POU6F2: variants seen among roughly 807,000 people sequenced by gnomAD.
POU6F2 encodes POU domain, class 6, transcription factor 2.
A neutral mutation model predicts 71.3 loss-of-function variants in POU6F2; 31 were observed. The observed-to-expected ratio is 0.43, with a 90% CI of 0.33 to 0.59. POU6F2 has a LOEUF of 0.59. POU6F2 is among the 20% of genes least tolerant of loss of function. The pLI, the probability that POU6F2 is intolerant of heterozygous loss-of-function variation, is 0.04. For synonymous variants in POU6F2, 347 were observed against 355.7 expected (o/e 0.98, Z 0.27); for missense variants, 783 against 856.8 (o/e 0.91, Z 1.07).
chr7:39,090,776 A>G (rs540989832), intron 2 of POU6F2, among the ~76,000 whole-genome samples: 3 of 152,308 alleles, frequency 2.0e-5, no homozygotes, highest in South Asian at 4.2e-4. Context: ...TTAAAAGTGT[A>G]TTTTTTAAAT....
Position 39,070,744 on chromosome 7 carries a change from C to G in POU6F2, c.106-15116C>G, listed in dbSNP as rs144659210. 1.7e-3 allele frequency among the ~76,000 whole-genome samples: 255 copies of G among 152,280 alleles called. 2 individuals carry two copies. Among genetic ancestry groups the G allele is most frequent in the Non-Finnish European group, 3.0e-3 (206 of 68,022 alleles). On this transcript the variant is annotated intron_variant, in intron 1 of 9. Coordinates refer to ENST00000518318, the MANE Select transcript of POU6F2 (RefSeq NM_001370959.1). Reference sequence around the variant, plus strand: ...CCCTTCACTGTGAGACCTCTCTGATCGCCTTATGTAAGTTACATACCCACA... The same window carrying G: ...CCCTTCACTGTGAGACCTCTCTGATGGCCTTATGTAAGTTACATACCCACA...
chr7:39,301,748 T>A (rs1044891570), intron 4 of POU6F2, among the ~76,000 whole-genome samples: 1 of 152,184 alleles, frequency 6.6e-6, no homozygotes, highest in Non-Finnish European at 1.5e-5. Flanking sequence ...GAGAGAGCTA[T>A]CTGGGCTGAC....
chr7:39,225,619 A>G (rs989879873), intron 4 of POU6F2, among the ~76,000 whole-genome samples: 2 of 152,236 alleles, frequency 1.3e-5, no homozygotes, highest in African/African-American at 2.4e-5. Context: ...ATTTCAAAGC[A>G]TGTTCCCATG....
At chr7:39,045,373 C>T (rs1013413280) in intron 1 of POU6F2, among the ~76,000 whole-genome samples, 1 of 151,850 alleles carries the variant, frequency 6.6e-6, no homozygotes, top group South Asian at 2.1e-4. Context: ...GGAGGGGTTT[C>T]CAGCAAGTTA....
intron 4 of POU6F2, among the ~76,000 whole-genome samples, chr7:39,264,077 A>G (rs1474920797): frequency 6.6e-6 from 1 of 152,200 alleles, no homozygotes; most frequent in Admixed American, 6.5e-5. Flanking sequence ...AGACATCAAA[A>G]TGGAAGTCCA....
At position 39,022,702 on chromosome 7, in the gene POU6F2, T is replaced by A. The variant is rs546265991; in HGVS notation, c.105+44644T>A. On this transcript the variant is annotated intron_variant, in intron 1 of 9. Coordinates refer to ENST00000518318, the MANE Select transcript of POU6F2 (RefSeq NM_001370959.1). ...CACATGTATTGGGACTTTCCCCCGC[T>A]TTTTCCATCTTTTTTCTTTTTTGCT... Among the ~76,000 whole-genome samples, 27 of 152,198 alleles carry A rather than the reference T, an allele frequency of 1.8e-4. 1 individual carries two copies. The South Asian group carries it at 3.5e-3, about 20-fold the overall frequency.
chr7:39,275,405 T>C (rs1784417865), intron 4 of POU6F2, among the ~76,000 whole-genome samples: 1 of 152,012 alleles, frequency 6.6e-6, no homozygotes, highest in South Asian at 2.1e-4. Context: ...TAAAAGAGGA[T>C]ACAAACAAAT....
intron 2 of POU6F2, among the ~76,000 whole-genome samples, chr7:39,197,428 G>A (rs1211125049): frequency 3.3e-5 from 5 of 152,244 alleles, no homozygotes; most frequent in Non-Finnish European, 5.9e-5. Flanking sequence ...CAGGACCTGC[G>A]TTTGTAATTT....
intron 4 of POU6F2, chr7:39,329,166 T>C (rs994382594): frequency 2.6e-5 from 4 of 150,960 alleles, no homozygotes; most frequent in African/African-American, 9.7e-5. Flanking sequence ...CTTGGTGTAA[T>C]ATATATATTA....
At chr7:39,288,577 C>A (rs528242123) in intron 4 of POU6F2, among the ~76,000 whole-genome samples, 1 of 152,278 alleles carries the variant, frequency 6.6e-6, no homozygotes, top group Admixed American at 6.5e-5. Flanking sequence ...CTTGCAAGCC[C>A]ATCATTTAAG....
intron 6 of POU6F2, among the ~76,000 whole-genome samples, chr7:39,428,970 G>A (rs112766424): frequency 0.027 from 3,037 of 114,568 alleles, 127 homozygotes; most frequent in African/African-American, 0.093. Context: ...GTCGTAGGGT[G>A]GGGGGAGGGG....
At chr7:39,049,128 G>A (rs561370981) in intron 1 of POU6F2, among the ~76,000 whole-genome samples, 9 of 151,530 alleles carry the variant, frequency 5.9e-5, no homozygotes, top group Non-Finnish European at 1.0e-4. Context: ...TACCAATTTT[G>A]TTGATCTTTT....
chr7:39,122,765 T>C (rs977404615), intron 2 of POU6F2, among the ~76,000 whole-genome samples: 4 of 149,638 alleles, frequency 2.7e-5, no homozygotes, highest in Non-Finnish European at 5.9e-5. Flanking sequence ...TGGAGTACAG[T>C]AGCGTGATCT....
chr7:39,252,553 G>A (rs919703946), intron 4 of POU6F2, among the ~76,000 whole-genome samples: 4 of 152,114 alleles, frequency 2.6e-5, no homozygotes, highest in Non-Finnish European at 2.9e-5. Flanking sequence ...GCATGTTTGA[G>A]GGTTCACGCA....
chr7:39,302,691 A>G (rs1784971707), intron 4 of POU6F2, among the ~76,000 whole-genome samples: 1 of 152,274 alleles, frequency 6.6e-6, no homozygotes, highest in Non-Finnish European at 1.5e-5. Flanking sequence ...CTAGAGTAGA[A>G]TCAAAATTAC....
chr7:39,128,743 G>T (rs944620328), intron 2 of POU6F2, among the ~76,000 whole-genome samples: 6 of 152,130 alleles, frequency 3.9e-5, no homozygotes, highest in African/African-American at 9.7e-5. Context: ...ATCTATGATC[G>T]CCATGTGTTC....
At chr7:39,127,182 C>G (rs1235700597) in intron 2 of POU6F2, among the ~76,000 whole-genome samples, 1 of 152,140 alleles carries the variant, frequency 6.6e-6, no homozygotes, top group Non-Finnish European at 1.5e-5. Flanking sequence ...ATGTAGTTTA[C>G]ACTGATAGCA....
intron 1 of POU6F2, among the ~76,000 whole-genome samples, chr7:38,980,206 T>A (rs1290887843): frequency 6.6e-6 from 1 of 152,166 alleles, no homozygotes; most frequent in Non-Finnish European, 1.5e-5. Context: ...CATAATTTGT[T>A]AAAAACGCCT....
In POU6F2 at chr7:39,103,067, C is replaced by G. The variant is rs1300005730; in HGVS notation, c.277+17036C>G. 7.9e-5 allele frequency among the ~76,000 whole-genome samples: 12 copies of G among 152,152 alleles called. No homozygotes were observed. In the South Asian group the frequency reaches 1.0e-3, roughly 13 times the overall value. On this transcript the variant is annotated intron_variant, in intron 2 of 9. Transcript: ENST00000518318. ...AAAGATAAAGTGCCTTTTCACATAT[C>G]CAACAAATATTTATTGAGCACCTTG...
Sources: gnomAD v4.1 joint callset for allele counts (sites outside exome capture counted in the v4.1 genomes callset) on GRCh38, gnomAD v4.1.1 for gene constraint, MANE v1.5 for transcripts, NCBI Gene and HGNC (gene_info 2026-07-23, HGNC 2026-07-21) for gene names.